Variants in SRCAP observed in about 807,000 individuals in gnomAD.
SRCAP encodes chromatin remodeling protein SRCAP.
Under a neutral mutation model 263.1 loss-of-function variants are expected in SRCAP, and 46 were observed. That is an observed-to-expected ratio of 0.17 (90% CI 0.14 to 0.22). The LOEUF (loss-of-function observed/expected upper bound fraction) is 0.22. Among genes scored for constraint, SRCAP ranks in the 10% least tolerant of loss-of-function variants. The pLI is 1.00. For synonymous variants in SRCAP, 1,813 were observed against 1,662.1 expected, an observed-to-expected ratio of 1.09 and a Z score of -2.21; for missense variants, 3,695 against 4,181.9, an observed-to-expected ratio of 0.88 and a Z score of 3.21.
Position 30,710,801 on chromosome 16 carries a change from G to C in SRCAP, c.1182G>C (p.Trp394Cys). The change falls in exon 9 of 34, where the codon TGG (tryptophan) becomes TGC (cysteine). Residue 394 changes from tryptophan to cysteine, a missense_variant. By Grantham distance (215) the Trp-to-Cys change is radical. Coordinates refer to ENST00000262518, the MANE Select transcript of SRCAP (RefSeq NM_006662.3). ...SAVTQRNKQP[W>C]HPDEDDEEFT... ...TCACACAGCGCAACAAACAGCCTTG[G>C]CATCCAGATGAAGATGATGAAGAGT... 6.2e-7 allele frequency: 1 copy of C among 1,614,182 alleles called. No individual in the cohort carries two copies. The highest frequency in any genetic ancestry group is 8.5e-7 in the Non-Finnish European group (1 of 1,180,022).
At position 30,736,569 on chromosome 16, in the gene SRCAP, A is replaced by G. The variant is rs998199878; in HGVS notation, c.6953A>G (p.Lys2318Arg). Reference sequence around the variant, plus strand: ...ACCCCCATTGAGCGCTATGCCATGAAATTCCTGGAGGCCTCACTGGAGGAG... The same window carrying G: ...ACCCCCATTGAGCGCTATGCCATGAGATTCCTGGAGGCCTCACTGGAGGAG... ...QLTPIERYAM[K>R]FLEASLEEVS... The change falls in exon 33 of 34, where the codon AAA (lysine) becomes AGA (arginine). Residue 2318 changes from lysine to arginine, a missense_variant. This residue lies in a region of SRCAP where 91 missense variants were observed against 150.6 expected (regional missense o/e 0.60). Coordinates refer to ENST00000262518, the MANE Select transcript of SRCAP (RefSeq NM_006662.3). 1.2e-6 allele frequency: 2 copies of G among 1,614,136 alleles called. No individual in the cohort carries two copies. The highest frequency in any genetic ancestry group is 1.7e-6 in the Non-Finnish European group (2 of 1,180,014).
Position 30,709,646 on chromosome 16 carries a change from C to T in SRCAP, c.767C>T (p.Thr256Ile), listed in dbSNP as rs1037597660. The change falls in exon 7 of 34, where the codon ACC becomes ATC. Residue 256 changes from threonine (T) to isoleucine (I), a missense_variant. Coordinates refer to ENST00000262518, the MANE Select transcript of SRCAP (RefSeq NM_006662.3). ...TCTCAGAGCCTCAACCAGCCATTAA[C>T]CTCCAGCAAAGCAGGCTCTTCCCCT... is the stretch of plus-strand genomic sequence containing the variant. ...LLSQSLNQPLTSSKAGSSPCL... is the reference protein window; with the variant it reads ...LLSQSLNQPLISSKAGSSPCL... 2.5e-6 allele frequency: 4 copies of T among 1,614,200 alleles called. No homozygotes were observed. The highest frequency in any genetic ancestry group is 2.7e-5 in the African/African-American group (2 of 75,056).
Position 30,725,097 on chromosome 16 carries a change from C to T in SRCAP, c.5658+15C>T, listed in dbSNP as rs775744605. The T allele has an allele frequency of 3.5e-5, 56 of 1,590,058 alleles. No individual in the cohort carries two copies. The highest frequency in any genetic ancestry group is 4.8e-5 in the Non-Finnish European group (56 of 1,167,328). ...CTTTTTATCTGGTAAGTTTTACTTCCTCAAGAGGGAACAGGAAGTTGAGTT... is the reference window on the plus strand; with the variant it reads ...CTTTTTATCTGGTAAGTTTTACTTCTTCAAGAGGGAACAGGAAGTTGAGTT... On this transcript the variant is annotated intron_variant, in intron 25 of 33. Transcript: ENST00000262518.
chr16:30,704,983 G>A (rs1230358570), intron 4 of SRCAP, among the ~76,000 whole-genome samples: 10 of 152,194 alleles, frequency 6.6e-5, no homozygotes, highest in Admixed American at 4.6e-4. Flanking sequence ...AGCAGCATCA[G>A]CATCACCTGG....
chr16:30,738,215 T>A lies in SRCAP; in HGVS notation c.8175T>A (p.Ser2725Arg), dbSNP rs540886487. The A allele has an allele frequency of 6.2e-7, 1 of 1,614,064 alleles. No homozygotes were observed. The highest frequency in any genetic ancestry group is 1.1e-5 in the South Asian group (1 of 91,074). ...SPARPPRRRT[S>R]ADVEIRGQGT... ...CCCGACCTCCTCGGCGTCGCACCAG[T>A]GCTGATGTGGAAATTAGGGGTCAAG... Residue 2725 changes from serine to arginine, a missense_variant, in exon 34 of 34, where the codon AGT (serine) becomes AGA (arginine). By Grantham distance (110) the Ser-to-Arg change is moderately radical. Transcript: ENST00000262518.
At position 30,736,241 on chromosome 16, in the gene SRCAP, C is replaced by T; in HGVS notation, c.6771C>T (p.Ala2257=). The T allele has an allele frequency of 6.2e-7, 1 of 1,614,114 alleles. No homozygotes were observed. The highest frequency in any genetic ancestry group is 8.5e-7 in the Non-Finnish European group (1 of 1,180,034). The change falls in exon 32 of 34, where the codon GCC becomes GCT. Residue 2257 remains alanine, a synonymous_variant. Transcript: ENST00000262518. ...RAEDEEDIRA[A]TQAKAEQVAE... The stretch of plus-strand genomic sequence containing the variant: ...AAGATGAAGAGGATATCCGTGCAGC[C>T]ACCCAGGCCAAGGCTGAACAGGTGG...
Position 30,738,007 on chromosome 16 carries a change from C to T in SRCAP, c.7967C>T (p.Pro2656Leu), listed in dbSNP as rs750102399. Residue 2656 changes from proline (P) to leucine (L), a missense_variant, in exon 34 of 34, where the codon CCC becomes CTC. Pro to Leu is a moderately conservative substitution (Grantham distance 98, BLOSUM62 -3). This residue lies in a region of SRCAP where 1,207 missense variants were observed against 1,142.9 expected (regional missense o/e 1.06). Coordinates refer to ENST00000262518, the MANE Select transcript of SRCAP (RefSeq NM_006662.3). ...VSESNGLELP[P>L]SAASDEPLQE... ...GAGAGCAATGGCCTGGAGCTCCCACCCTCAGCAGCATCTGATGAGCCACTT... is the reference window on the plus strand; with the variant it reads ...GAGAGCAATGGCCTGGAGCTCCCACTCTCAGCAGCATCTGATGAGCCACTT... 1.2e-6 allele frequency: 2 copies of T among 1,613,956 alleles called. No individual in the cohort carries two copies. The highest frequency in any genetic ancestry group is 1.7e-5 in the Admixed American group (1 of 59,986).
At chr16:30,734,709 A>G in intron 31 of SRCAP, 94 bp downstream of exon 31, 2 of 1,556,768 alleles carry the variant, frequency 1.3e-6, no homozygotes, top group South Asian at 2.4e-5. Context: ...GGGGAAAGAG[A>G]TGTTTCTTCT....
Position 30,733,483 on chromosome 16 carries a change from C to T in SRCAP, c.6297+34C>T. Reference sequence around the variant, plus strand: ...GGTTTCTGCAGCTCTTAGAGGCTCACCTCCGCTTCTCTCTCCTTTTCCCAG... The same window carrying T: ...GGTTTCTGCAGCTCTTAGAGGCTCATCTCCGCTTCTCTCTCCTTTTCCCAG... On this transcript the variant is annotated intron_variant, in intron 28 of 33. Transcript: ENST00000262518. This position sits in a 1 kb window ranked among gnomAD's most constrained non-coding sequence, Gnocchi z 5.3. The T allele has an allele frequency of 6.2e-7, 1 of 1,612,720 alleles. No individual in the cohort carries two copies. Among genetic ancestry groups the T allele is most frequent in the Non-Finnish European group, 8.5e-7 (1 of 1,179,010 alleles).
intron 18 of SRCAP, among the ~76,000 whole-genome samples, chr16:30,718,119 C>A (rs541244912): frequency 2.0e-5 from 3 of 151,992 alleles, no homozygotes; most frequent in African/African-American, 7.3e-5. Flanking sequence ...GTGATCCTTC[C>A]GCCTTGGCCT....
At position 30,739,304 on chromosome 16, in the gene SRCAP, T is replaced by C. The variant is rs1285591206; in HGVS notation, c.9264T>C (p.Ala3088=). The change falls in exon 34 of 34, where the codon GCT becomes GCC. Residue 3088 remains alanine, a synonymous_variant. Coordinates refer to ENST00000262518, the MANE Select transcript of SRCAP (RefSeq NM_006662.3). ...AGAGTGGAGGGTCCATGGTGGTGGC[T>C]GTAATTCAGGATGACCTGGACTTAG... The part of the protein sequence containing the change: ...GRKSGGSMVV[A]VIQDDLDLAD... 6.2e-7 allele frequency: 1 copy of C among 1,614,068 alleles called. No individual in the cohort carries two copies. The highest frequency in any genetic ancestry group is 8.5e-7 in the Non-Finnish European group (1 of 1,180,006).
chr16:30,728,831 G>A, intron 25 of SRCAP, 135 bp from the exon 26 acceptor site: 2 of 1,076,856 alleles, frequency 1.9e-6, no homozygotes, highest in Non-Finnish European at 2.6e-6. Context: ...TTGATAACTT[G>A]GAAAACTACA....
chr16:30,709,682 C>A lies in SRCAP; in HGVS notation c.803C>A (p.Ser268Tyr). 1 of 1,614,200 alleles carries A rather than the reference C, an allele frequency of 6.2e-7. No individual in the cohort carries two copies. The highest frequency in any genetic ancestry group is 8.5e-7 in the Non-Finnish European group (1 of 1,180,028). Residue 268 changes from serine to tyrosine, a missense_variant, in exon 7 of 34, where the codon TCT (serine) becomes TAT (tyrosine). By Grantham distance (144) the Ser-to-Tyr change is moderately radical. Around this residue, in one of 12 missense-constraint regions of SRCAP, gnomAD observed 44 missense variants for 42.9 expected, o/e 1.03. Coordinates refer to ENST00000262518, the MANE Select transcript of SRCAP (RefSeq NM_006662.3). Reference protein sequence around the residue: ...SKAGSSPCLGSSSAASSPPPP... With the variant: ...SKAGSSPCLGYSSAASSPPPP... ...GCAGGCTCTTCCCCTTGCCTCGGCT[C>A]TTCCTCAGCTGCCTCCAGTCCTCCA... is the stretch of plus-strand genomic sequence containing the variant.
intron 3 of SRCAP, 140 bp downstream of exon 3, chr16:30,701,018 G>C: frequency 1.3e-6 from 1 of 756,840 alleles, no homozygotes; most frequent in Non-Finnish European, 2.2e-6. Context: ...TAGTATATCA[G>C]GTCTGTTGGA....
chr16:30,702,208 C>T (rs1351984985), intron 3 of SRCAP, among the ~76,000 whole-genome samples: 1 of 151,620 alleles, frequency 6.6e-6, no homozygotes, highest in Non-Finnish European at 1.5e-5. Context: ...CTTACTCAGC[C>T]TCTCAAAAGT....
At chr16:30,710,458 G>A (rs966294415) in intron 8 of SRCAP, 49 of 708,078 alleles carry the variant, frequency 6.9e-5, no homozygotes, top group Non-Finnish European at 1.2e-4. Context: ...TTGGAAGCTG[G>A]CATGGTACCC....
rs562708209 is a variant in SRCAP, at chr16:30,736,071, G to A, written c.6730-129G>A. 7 of 1,025,890 alleles carry A rather than the reference G, an allele frequency of 6.8e-6. No individual in the cohort carries two copies. In the East Asian group the frequency reaches 1.3e-4, roughly 19 times the overall value. The allele number at this position is 1,025,890 out of a possible 1,614,324, so 63.5% of individuals were successfully genotyped here. On this transcript the variant is annotated intron_variant, in intron 31 of 33. Coordinates refer to ENST00000262518, the MANE Select transcript of SRCAP (RefSeq NM_006662.3). ...TGTTGTGGTAACTCTGGAGGCCTAG[G>A]AGGTTGTTGAGTTCTGTTGCAAACC... is the stretch of plus-strand genomic sequence containing the variant.
rs1256810448 is a variant in SRCAP, at chr16:30,733,993, A to G, written c.6594A>G (p.Thr2198=). The G allele has an allele frequency of 3.1e-6, 5 of 1,609,430 alleles. No individual in the cohort carries two copies. The South Asian group carries it at 5.5e-5, about 18-fold the overall frequency. ...CCATTGAGGGAGGCAACTTCACCAC[A>G]GCCTATTTCAAACAGGTACTAAGTA... The part of the protein sequence containing the change: ...DMAIEGGNFT[T]AYFKQQTIRE... Residue 2198 remains threonine (T), a synonymous_variant, in exon 30 of 34, where the codon ACA becomes ACG. Coordinates refer to ENST00000262518, the MANE Select transcript of SRCAP (RefSeq NM_006662.3). This position sits in a 1 kb window ranked among gnomAD's most constrained non-coding sequence, Gnocchi z 5.3.
intron 31 of SRCAP, among the ~76,000 whole-genome samples, 197 bp from the exon 32 acceptor site, chr16:30,736,003 G>A (rs1466467500): frequency 6.6e-6 from 1 of 151,980 alleles, no homozygotes; most frequent in East Asian, 1.9e-4. Context: ...TCCCTAGTGG[G>A]AGTCCTGGTA....
Sources: allele counts gnomAD v4.1 joint callset (sites outside exome capture counted in the v4.1 genomes callset), GRCh38; gene constraint gnomAD v4.1.1; regional missense constraint gnomAD v4.1.1; non-coding constraint Gnocchi (gnomAD v3.1); transcripts MANE v1.5; gene names NCBI Gene and HGNC (gene_info 2026-07-23, HGNC 2026-07-21).